Variants in GNAZ observed in about 807,000 individuals in gnomAD.
The protein encoded by GNAZ is guanine nucleotide-binding protein G(z) subunit alpha.
A neutral mutation model predicts 25.4 loss-of-function variants in GNAZ; 3 were observed. That is an observed-to-expected ratio of 0.12 (90% CI 0.05 to 0.30). GNAZ has a LOEUF of 0.30. Ranked by LOEUF, GNAZ falls within the 10% of genes least tolerant of loss-of-function variation. GNAZ has a pLI of 1.00. For synonymous variants in GNAZ, 211 were observed against 205.7 expected (o/e 1.03, Z -0.22); for missense variants, 241 against 501.8 (o/e 0.48, Z 4.97).
chr22:23,084,975 G>A (rs2068779007), intron 1 of GNAZ, among the ~76,000 whole-genome samples: 1 of 152,182 alleles, frequency 6.6e-6, no homozygotes, highest in Non-Finnish European at 1.5e-5. Context: ...TGCTCCAGGA[G>A]GCCATACCAA....
At position 23,071,102 on chromosome 22, in the gene GNAZ, TC is replaced by T. The variant is rs2068359619; in HGVS notation, c.-450+533del. Among the ~76,000 whole-genome samples the T allele has an allele frequency of 6.6e-6, 1 of 152,120 alleles. No homozygotes were observed. The highest frequency in any genetic ancestry group is 2.1e-4 in the South Asian group (1 of 4,820). ...ACAGCTAGCAGTTCTCGGTCACTGC[TC>T]TTGCAGCGAGCAGGTTCCTCACAGG... On this transcript the variant is annotated intron_variant, in intron 1 of 2. Transcript: ENST00000615612. The surrounding 1 kb of genome is among the most constrained non-coding windows in gnomAD (Gnocchi z 4.1).
At chr22:23,104,452 C>T (rs937372207) in intron 2 of GNAZ, among the ~76,000 whole-genome samples, 2 of 152,304 alleles carry the variant, frequency 1.3e-5, no homozygotes, top group East Asian at 1.9e-4. Context: ...AGCTGCTTCC[C>T]ACCCCACATC....
At chr22:23,108,492 C>CG (rs750454345) in intron 2 of GNAZ, among the ~76,000 whole-genome samples, 97 of 152,300 alleles carry the variant, frequency 6.4e-4, no homozygotes, top group Non-Finnish European at 1.1e-3. Flanking sequence ...AGGAGACAGC[C>CG]GGGAGAGGCC....
chr22:23,112,039 G>A (rs962057097), intron 2 of GNAZ, among the ~76,000 whole-genome samples: 1 of 152,170 alleles, frequency 6.6e-6, no homozygotes, highest in Admixed American at 6.5e-5. Flanking sequence ...TGGAGCCTTG[G>A]GGGTAACCAG....
intron 1 of GNAZ, among the ~76,000 whole-genome samples, chr22:23,094,549 C>G (rs1047769818): frequency 6.6e-6 from 1 of 152,212 alleles, no homozygotes; most frequent in African/African-American, 2.4e-5. Context: ...CGTGCAGCCC[C>G]CAGCTCCTTG....
intron 2 of GNAZ, among the ~76,000 whole-genome samples, chr22:23,099,093 T>A (rs958987381): frequency 2.0e-4 from 31 of 152,222 alleles, no homozygotes; most frequent in African/African-American, 7.5e-4. Context: ...GGCCTCATCT[T>A]CCCTGATGCT....
chr22:23,111,282 C>T (rs931003556), intron 2 of GNAZ, among the ~76,000 whole-genome samples: 1 of 152,218 alleles, frequency 6.6e-6, no homozygotes, highest in African/African-American at 2.4e-5. Context: ...CAGAGAGGCT[C>T]TCCTGTGACG....
In GNAZ at chr22:23,095,442, C is replaced by T. The variant is rs575551842; in HGVS notation, c.-254C>T. 192 of 514,644 alleles carry T rather than the reference C, an allele frequency of 3.7e-4. No homozygotes were observed. Among genetic ancestry groups the T allele is most frequent in the Non-Finnish European group, 5.5e-4 (160 of 290,000 alleles). The allele number at this position is 514,644 out of a possible 1,614,324, so 31.9% of individuals were successfully genotyped here. ...CAGGGAATGACTACGGCAAATCAGG[C>T]CACTTTGCCAACTAGGGAGGTGGAG... On this transcript the variant is annotated 5_prime_UTR_variant, in exon 2 of 3. Transcript: ENST00000615612.
chr22:23,109,791 G>A (rs1490913681), intron 2 of GNAZ, among the ~76,000 whole-genome samples: 1 of 152,208 alleles, frequency 6.6e-6, no homozygotes, highest in Non-Finnish European at 1.5e-5. Context: ...TGGGAGTGGT[G>A]GTTGCCCTGC....
rs192151701 is a variant in GNAZ at position 23,073,434 on chromosome 22, G to A, written c.-450+2864G>A. 1.4e-4 allele frequency among the ~76,000 whole-genome samples: 21 copies of A among 152,326 alleles called. No homozygotes were observed. In the East Asian group the frequency reaches 4.1e-3, roughly 29 times the overall value. On this transcript the variant is annotated intron_variant, in intron 1 of 2. Coordinates refer to ENST00000615612, the MANE Select transcript of GNAZ (RefSeq NM_002073.4). Reference sequence around the variant, plus strand: ...ACCCAGACTGTTGTGGCTCCGGGGTGGTGAGGTGAGCATTCCAGTCTAGGT... The same window carrying A: ...ACCCAGACTGTTGTGGCTCCGGGGTAGTGAGGTGAGCATTCCAGTCTAGGT...
intron 2 of GNAZ, among the ~76,000 whole-genome samples, chr22:23,104,279 C>A (rs2069394371): frequency 6.6e-6 from 1 of 152,164 alleles, no homozygotes; most frequent in Non-Finnish European, 1.5e-5. Context: ...CCCAGTGTGG[C>A]CCAGGGTGGG....
intron 1 of GNAZ, chr22:23,070,858 A>G (rs1283136082): frequency 6.6e-6 from 1 of 151,898 alleles, no homozygotes; most frequent in Non-Finnish European, 1.5e-5. Context: ...GGGAGGGTGG[A>G]CAGAGGGCGC....
At chr22:23,116,896 G>C (rs1311500439) in intron 2 of GNAZ, among the ~76,000 whole-genome samples, 1 of 152,186 alleles carries the variant, frequency 6.6e-6, no homozygotes, top group Non-Finnish European at 1.5e-5. Flanking sequence ...CTGGGAGGGG[G>C]ACAGGCCCCT....
At chr22:23,077,124 A>G (rs1489201738) in intron 1 of GNAZ, among the ~76,000 whole-genome samples, 2 of 152,172 alleles carry the variant, frequency 1.3e-5, no homozygotes, top group African/African-American at 4.8e-5. Flanking sequence ...GGGAGGCAGG[A>G]TTTAGATGAG....
chr22:23,094,251 C>A (rs1910004967), intron 1 of GNAZ, among the ~76,000 whole-genome samples: 1 of 152,116 alleles, frequency 6.6e-6, no homozygotes, highest in South Asian at 2.1e-4. Flanking sequence ...TTGGGTGGGG[C>A]CTGGTGCCAC....
At position 23,114,559 on chromosome 22, in the gene GNAZ, T is replaced by A. The variant is rs997743863; in HGVS notation, c.724-8528T>A. ...TCCTGTGGTGTGTCACCTGTCAGAG[T>A]TGTAGCTGGCCAGCACTATCTGCAG... On this transcript the variant is annotated intron_variant, in intron 2 of 2. Transcript: ENST00000615612. 8.5e-5 allele frequency among the ~76,000 whole-genome samples: 13 copies of A among 152,284 alleles called. 1 individual carries two copies. Among genetic ancestry groups the A allele is most frequent in the African/African-American group, 3.1e-4 (13 of 41,556 alleles).
In GNAZ at chr22:23,095,860, C is replaced by A. The variant is rs2146315845; in HGVS notation, c.165C>A (p.Ile55=). The A allele has an allele frequency of 1.2e-6, 2 of 1,613,856 alleles. No homozygotes were observed. The highest frequency in any genetic ancestry group is 1.7e-6 in the Non-Finnish European group (2 of 1,179,990). The part of the protein sequence containing the change: ...GKSTIVKQMK[I]IHSGGFNLEA... ...GCACCATCGTCAAACAGATGAAGAT[C>A]ATCCACAGCGGCGGCTTCAACCTGG... The change falls in exon 2 of 3, where the codon ATC becomes ATA. Residue 55 remains isoleucine, a synonymous_variant. Coordinates refer to ENST00000615612, the MANE Select transcript of GNAZ (RefSeq NM_002073.4).
At chr22:23,118,245 C>T (rs2146387294) in intron 2 of GNAZ, among the ~76,000 whole-genome samples, 1 of 152,358 alleles carries the variant, frequency 6.6e-6, no homozygotes, top group Admixed American at 6.5e-5. Context: ...CAAATCACCT[C>T]ACCATTCCCC....
intron 1 of GNAZ, among the ~76,000 whole-genome samples, chr22:23,074,526 AGAG>A (rs2146250122): frequency 6.6e-6 from 1 of 152,276 alleles, no homozygotes; most frequent in South Asian, 2.1e-4. Context: ...ACATGTGGCC[AGAG>A]GGAGAGCAAG....
Sources: gnomAD v4.1 joint callset for allele counts (sites outside exome capture counted in the v4.1 genomes callset) on GRCh38, gnomAD v4.1.1 for gene constraint, Gnocchi (gnomAD v3.1) non-coding constraint, MANE v1.5 for transcripts, NCBI Gene and HGNC (gene_info 2026-07-23, HGNC 2026-07-21) for gene names.